Variants in ARFGEF1 observed in about 807,000 individuals in gnomAD.
ARFGEF1 encodes the protein ARF guanine nucleotide exchange factor 1.
A neutral mutation model predicts 231.0 loss-of-function variants in ARFGEF1; 42 were observed. The observed-to-expected ratio is 0.18, with a 90% confidence interval of 0.14 to 0.24. The LOEUF (loss-of-function observed/expected upper bound fraction) is 0.24. ARFGEF1 is among the 10% of genes least tolerant of loss of function. ARFGEF1 has a pLI of 1.00. For missense variants in ARFGEF1, 1,345 were observed against 2,192.0 expected (o/e 0.61, Z 7.72); for synonymous variants, 710 against 732.3 (o/e 0.97, Z 0.49).
chr8:67,239,251 C>G (rs550430211), intron 20 of ARFGEF1, among the ~76,000 whole-genome samples: 1 of 152,166 alleles, frequency 6.6e-6, no homozygotes, highest in East Asian at 1.9e-4. Flanking sequence ...CGTGATCTGC[C>G]CGCCTCGACC....
chr8:67,252,037 A>G (rs1840301114), intron 18 of ARFGEF1, among the ~76,000 whole-genome samples: 1 of 152,168 alleles, frequency 6.6e-6, no homozygotes, highest in African/African-American at 2.4e-5. Flanking sequence ...TGGGAAGCCA[A>G]GGCAGGCGGA....
intron 29 of ARFGEF1, among the ~76,000 whole-genome samples, chr8:67,220,767 C>T (rs534317759): frequency 2.0e-5 from 3 of 152,298 alleles, no homozygotes; most frequent in African/African-American, 7.2e-5. Context: ...CTCCAAGTAA[C>T]TGGATGCTGC....
At chr8:67,226,342 C>T (rs1490289520) in intron 27 of ARFGEF1, among the ~76,000 whole-genome samples, 159 bp from the exon 28 acceptor site, 1 of 152,120 alleles carries the variant, frequency 6.6e-6, no homozygotes, top group Non-Finnish European at 1.5e-5. Flanking sequence ...TACCACTTAA[C>T]TGACTGCCCT....
chr8:67,228,320 T>A, intron 23 of ARFGEF1, 56 bp from the exon 24 acceptor site: 3 of 1,519,624 alleles, frequency 2.0e-6, no homozygotes, highest in Non-Finnish European at 2.7e-6. Flanking sequence ...CTTATTCCAA[T>A]TGAAAAGTAT....
chr8:67,234,958 T>G (rs1839670704), intron 22 of ARFGEF1, among the ~76,000 whole-genome samples: 1 of 151,234 alleles, frequency 6.6e-6, no homozygotes, highest in Non-Finnish European at 1.5e-5. Flanking sequence ...GAAAAACCTA[T>G]GAGAAAAAAA....
At chr8:67,304,169 G>A (rs533476107) in intron 1 of ARFGEF1, among the ~76,000 whole-genome samples, 7 of 152,246 alleles carry the variant, frequency 4.6e-5, no homozygotes, top group South Asian at 2.1e-4. Context: ...CATCTTTCAC[G>A]TACCAGATAC....
intron 5 of ARFGEF1, among the ~76,000 whole-genome samples, chr8:67,178,623 C>T (rs1275712386): frequency 3.3e-5 from 5 of 152,120 alleles, no homozygotes; most frequent in African/African-American, 1.2e-4. Flanking sequence ...GGCATGGGGG[C>T]TCACTGGGTA....
At chr8:67,237,145 T>C (rs1387996024) in intron 22 of ARFGEF1, among the ~76,000 whole-genome samples, 1 of 152,168 alleles carries the variant, frequency 6.6e-6, no homozygotes, top group African/African-American at 2.4e-5. Flanking sequence ...TGCCTGAAAA[T>C]AGTTTTCATC....
chr8:67,305,298 C>T (rs1231918866), intron 1 of ARFGEF1, among the ~76,000 whole-genome samples: 2 of 152,164 alleles, frequency 1.3e-5, no homozygotes, highest in Non-Finnish European at 2.9e-5. Context: ...TGAACATCTG[C>T]AATCAACTTG....
chr8:67,227,150 G>C lies in ARFGEF1; in HGVS notation c.3903C>G (p.Thr1301=). 1 of 1,611,616 alleles carries C rather than the reference G, an allele frequency of 6.2e-7. No individual in the cohort carries two copies. The highest frequency in any genetic ancestry group is 2.2e-5 in the East Asian group (1 of 44,782). Residue 1301 remains threonine, a synonymous_variant, in exon 27 of 39, where the codon ACC becomes ACG. Coordinates refer to ENST00000262215, the MANE Select transcript of ARFGEF1 (RefSeq NM_006421.5). ...GAGAATACTCACTGACAATGTGCCC[G>C]GTTGTTTGGAATGCAAGTTCCACTA... is the stretch of plus-strand genomic sequence containing the variant. The part of the protein sequence containing the change: ...ESIVELAFQT[T]GHIVTLVFEK...
intron 7 of ARFGEF1, among the ~76,000 whole-genome samples, chr8:67,286,833 C>T (rs1209054086): frequency 6.6e-6 from 1 of 152,184 alleles, no homozygotes; most frequent in Non-Finnish European, 1.5e-5. Flanking sequence ...CCTGCCTTGG[C>T]AACTCTTGAG....
intron 10 of ARFGEF1, among the ~76,000 whole-genome samples, chr8:67,268,066 T>C (rs566625534): frequency 6.6e-6 from 1 of 152,280 alleles, no homozygotes; most frequent in South Asian, 2.1e-4. Context: ...GATAAGAATT[T>C]TCAGATTTAA....
At chr8:67,330,905 A>T (rs1808069312) in intron 1 of ARFGEF1, among the ~76,000 whole-genome samples, 1 of 152,230 alleles carries the variant, frequency 6.6e-6, no homozygotes, top group Non-Finnish European at 1.5e-5. Flanking sequence ...ATGAAACAAA[A>T]TAATCAACTA....
intron 14 of ARFGEF1, among the ~76,000 whole-genome samples, chr8:67,262,628 A>G (rs1804683600): frequency 6.6e-6 from 1 of 152,166 alleles, no homozygotes; most frequent in Admixed American, 6.5e-5. Context: ...TCAAGGCAAA[A>G]AAGTTTACTG....
intron 27 of ARFGEF1, 29 bp from the exon 28 acceptor site, chr8:67,226,212 T>C (rs1228309209): frequency 6.7e-7 from 1 of 1,484,316 alleles, no homozygotes; most frequent in East Asian, 2.5e-5. Flanking sequence ...TATATTACTA[T>C]AATTTTTCAA....
downstream of ARFGEF1, chr8:67,197,618 T>A: frequency 1.0e-6 from 1 of 985,652 alleles, no homozygotes; most frequent in Non-Finnish European, 1.2e-6. Context: ...TCAGCCTTAA[T>A]AGACCAGAAT....
At chr8:67,177,861 G>A (rs2129569750) in intron 5 of ARFGEF1, 1 of 721,918 alleles carries the variant, frequency 1.4e-6, no homozygotes, top group East Asian at 2.5e-5. Flanking sequence ...TCAGTAAAGT[G>A]GATAGCTTGA....
chr8:67,205,861 AAAATAAAT>A (rs202104244), intron 34 of ARFGEF1, among the ~76,000 whole-genome samples: 2,517 of 150,222 alleles, frequency 0.017, 75 homozygotes, highest in African/African-American at 0.059. Context: ...CCGTCTCAAA[AAAATAAAT>A]AAATAAATAA....
At chr8:67,195,751 A>C (rs1447418520), downstream of ARFGEF1, 1 of 610,726 alleles carries the variant, frequency 1.6e-6, no homozygotes, top group Non-Finnish European at 2.9e-6. Flanking sequence ...TTATGTACAT[A>C]AATAAAAGGC....
Sources: gnomAD v4.1 joint callset for allele counts (sites outside exome capture counted in the v4.1 genomes callset) on GRCh38, gnomAD v4.1.1 for gene constraint, MANE v1.5 for transcripts, NCBI Gene and HGNC (gene_info 2026-07-23, HGNC 2026-07-21) for gene names.